NDUFS8: variants seen among roughly 807,000 people sequenced by gnomAD.
NDUFS8 encodes the protein NADH:ubiquinone oxidoreductase core subunit S8.
NDUFS8 carries 13 observed loss-of-function variants against 25.6 expected under a neutral mutation model. The observed-to-expected ratio is 0.51, with a 90% CI of 0.33 to 0.81. The LOEUF (loss-of-function observed/expected upper bound fraction) is 0.81. Ranked by LOEUF, NDUFS8 falls within the 30% of genes least tolerant of loss-of-function variation. The probability of loss-of-function intolerance (pLI) is 0.02; values close to 1 mark genes in which losing one functional copy is unlikely to be tolerated. For synonymous variants in NDUFS8, 119 were observed against 119.4 expected (o/e 1.00, Z 0.02); for missense variants, 257 against 300.9 (o/e 0.85, Z 1.08).
At chr11:68,030,911 GCC>G (rs762407040) in intron 1 of NDUFS8, 178 bp downstream of exon 1, 45 of 369,628 alleles carry the variant, frequency 1.2e-4, no homozygotes, top group Admixed American at 2.8e-4. Context: ...GGGCGCATGC[GCC>G]GCCCGCTCTG....
chr11:68,034,866 C>A (rs1363995060), intron 5 of NDUFS8: 2 of 151,808 alleles, frequency 1.3e-5, no homozygotes, highest in Non-Finnish European at 2.9e-5. Context: ...GTCAGGAATT[C>A]AAGACCAGCC....
At position 68,036,618 on chromosome 11, in the gene NDUFS8, C is replaced by CT. The variant is rs1316523588; in HGVS notation, c.*26dup. ...ACGCCCCACCGGCCCGCAGCCCCTG[C>CT]TGCCCAATAAAACCACTCCGACCCC... On this transcript the variant is annotated 3_prime_UTR_variant, in exon 7 of 7. Transcript: ENST00000313468. The CT allele has an allele frequency of 2.5e-6, 4 of 1,612,698 alleles. No individual in the cohort carries two copies. Among genetic ancestry groups the CT allele is most frequent in the Non-Finnish European group, 3.4e-6 (4 of 1,179,892 alleles).
In NDUFS8 at chr11:68,030,734, G is replaced by A. The variant is rs1854742544; in HGVS notation, c.-1+1G>A. 1.2e-5 allele frequency: 4 copies of A among 336,848 alleles called. No homozygotes were observed. The highest frequency in any genetic ancestry group is 2.4e-5 in the Non-Finnish European group (4 of 168,994). 20.9% of individuals were successfully genotyped at this position (336,848 alleles called of 1,614,324 possible). ...AGGCAAGTAGCGGCGGCGCTTCAAG[G>A]TGGGTGTTCACGTTTTGGCCGTGAA... On this transcript the variant is annotated splice_donor_variant, in intron 1 of 6. Coordinates refer to ENST00000313468, the MANE Select transcript of NDUFS8 (RefSeq NM_002496.4). LOFTEE classifies it low-confidence loss of function (5UTR_SPLICE).
chr11:68,033,811 G>T (rs571275015), intron 5 of NDUFS8: 69 of 177,636 alleles, frequency 3.9e-4, no homozygotes, highest in African/African-American at 1.6e-3. Flanking sequence ...CCCGGCAGCC[G>T]CCGCCGCTAC....
chr11:68,030,879 T>G, intron 1 of NDUFS8, 146 bp downstream of exon 1: 1 of 384,704 alleles, frequency 2.6e-6, no homozygotes, highest in Non-Finnish European at 5.3e-6. Context: ...GTCCTTCAGG[T>G]GCAGCGGGGA....
intron 3 of NDUFS8, 32 bp from the exon 4 acceptor site, chr11:68,032,891 T>C (rs1210422742): frequency 6.2e-7 from 1 of 1,605,872 alleles, no homozygotes; most frequent in Non-Finnish European, 8.5e-7. Flanking sequence ...GTGAGGCCTC[T>C]TGCCATGGCC....
Position 68,031,634 on chromosome 11 carries a change from C to T in NDUFS8, c.1-518C>T, listed in dbSNP as rs1854768955. The T allele has an allele frequency of 3.1e-5, 7 of 223,308 alleles. No individual in the cohort carries two copies. The South Asian group carries it at 3.5e-4, about 11-fold the overall frequency. 13.8% of individuals were successfully genotyped at this position (223,308 alleles called of 1,614,324 possible). ...AAGTGCTGGGATTACAGGCGTGAGC[C>T]ACCACACCCAGCCCTAGCGAGTCAC... On this transcript the variant is annotated intron_variant, in intron 1 of 6. Transcript: ENST00000313468.
At chr11:68,033,350 C>T (rs761826160) in intron 5 of NDUFS8, 67 bp downstream of exon 5, 1 of 1,547,138 alleles carries the variant, frequency 6.5e-7, no homozygotes, top group Non-Finnish European at 8.7e-7. Flanking sequence ...CCAGGCAGCC[C>T]TAGGCCCAAA....
In NDUFS8 at chr11:68,036,552, G is replaced by C. The variant is rs1367957130; in HGVS notation, c.592G>C (p.Glu198Gln). The C allele has an allele frequency of 6.2e-7, 1 of 1,614,072 alleles. No individual in the cohort carries two copies. Among genetic ancestry groups the C allele is most frequent in the Non-Finnish European group, 8.5e-7 (1 of 1,180,014 alleles). ...CAACAACGGGGACAAGTGGGAGGCCGAGATCGCCGCCAACATCCAGGCTGA... is the reference window on the plus strand; with the variant it reads ...CAACAACGGGGACAAGTGGGAGGCCCAGATCGCCGCCAACATCCAGGCTGA... ...LLNNGDKWEA[E>Q]IAANIQADYL... Residue 198 changes from glutamate to glutamine, a missense_variant, in exon 7 of 7, where the codon GAG (glutamate) becomes CAG (glutamine). By Grantham distance (29) the Glu-to-Gln change is conservative. Transcript: ENST00000313468.
intron 5 of NDUFS8, 66 bp from the exon 6 acceptor site, chr11:68,036,187 G>A (rs1854886273): frequency 6.2e-7 from 1 of 1,606,534 alleles, no homozygotes. Flanking sequence ...GATGAGCAGT[G>A]ACAGGGGCCC....
intron 3 of NDUFS8, chr11:68,032,644 C>T: frequency 1.0e-6 from 1 of 987,304 alleles, no homozygotes; most frequent in Non-Finnish European, 1.5e-6. Flanking sequence ...AGCCCCCCAC[C>T]TACCCCCCTT....
intron 1 of NDUFS8, 144 bp from the exon 2 acceptor site, chr11:68,032,008 C>A: frequency 2.5e-6 from 3 of 1,204,266 alleles, no homozygotes; most frequent in Non-Finnish European, 3.7e-6. Context: ...ACAGGAAAGC[C>A]ATCTGTGCCT....
chr11:68,035,226 C>G (rs974934136), intron 5 of NDUFS8: 1 of 153,392 alleles, frequency 6.5e-6, no homozygotes, highest in Non-Finnish European at 1.5e-5. Flanking sequence ...TACTTGAGCC[C>G]AGGAGTTTGA....
Position 68,033,284 on chromosome 11 carries a change from G to A in NDUFS8, c.372+1G>A. 12 of 1,601,752 alleles carry A rather than the reference G, an allele frequency of 7.5e-6. No homozygotes were observed. The highest frequency in any genetic ancestry group is 9.3e-6 in the Non-Finnish European group (11 of 1,177,582). ...CTGCGAGGCCATCTGCCCCGCCCAGGTGAGCCCCTGCCCCAACCGGCCACC... is the reference window on the plus strand; with the variant it reads ...CTGCGAGGCCATCTGCCCCGCCCAGATGAGCCCCTGCCCCAACCGGCCACC... On this transcript the variant is annotated splice_donor_variant, in intron 5 of 6. Coordinates refer to ENST00000313468, the MANE Select transcript of NDUFS8 (RefSeq NM_002496.4). LOFTEE classifies it high-confidence loss of function.
rs1375104061 is a variant in NDUFS8 at position 68,036,015 on chromosome 11, C to CT, written c.373-237dup. The CT allele has an allele frequency of 3.0e-5, 12 of 406,130 alleles. No homozygotes were observed. In the African/African-American group the frequency reaches 3.1e-4, roughly 11 times the overall value. 25.2% of individuals were successfully genotyped at this position (406,130 alleles called of 1,614,324 possible). A position where few individuals can be genotyped will look rare whatever the true frequency, so the allele number is the denominator to read the frequency against. On this transcript the variant is annotated intron_variant, in intron 5 of 6. Transcript: ENST00000313468. ...GCCTGGCGACAGAGCGAGACTCTAT[C>CT]TCAAAAAAAAAAAAAAAAAAAAAAA... is the stretch of plus-strand genomic sequence containing the variant.
rs770357184 is a variant in NDUFS8 at position 68,033,181 on chromosome 11, G to A, written c.270G>A (p.Pro90=). 25 of 1,612,256 alleles carry A rather than the reference G, an allele frequency of 1.6e-5. No homozygotes were observed. The highest frequency in any genetic ancestry group is 6.7e-5 in the Admixed American group (4 of 59,884). ...ATINYPFEKG[P]LSPRFRGEHA... is the part of the protein sequence containing the mutation. ...TCAACTACCCGTTCGAGAAGGGCCC[G>A]CTGAGCCCTCGCTTCCGTGGGGAGC... is the stretch of plus-strand genomic sequence containing the variant. The change falls in exon 5 of 7, where the codon CCG becomes CCA. Residue 90 remains proline (P), a synonymous_variant. Coordinates refer to ENST00000313468, the MANE Select transcript of NDUFS8 (RefSeq NM_002496.4).
rs531253677 is a variant in NDUFS8, at chr11:68,036,224, G to A, written c.373-29G>A. On this transcript the variant is annotated intron_variant, in intron 5 of 6. Coordinates refer to ENST00000313468, the MANE Select transcript of NDUFS8 (RefSeq NM_002496.4). ...GGGGGCTGGGATGTGACAGGGCAGC[G>A]TGGCAGTGTCTGGTGGCCCCTCCCG... The A allele has an allele frequency of 1.2e-4, 193 of 1,611,782 alleles. 1 individual carries two copies. In the East Asian group the frequency reaches 1.9e-3, roughly 16 times the overall value.
chr11:68,032,830 C>A, intron 3 of NDUFS8, 93 bp from the exon 4 acceptor site: 1 of 1,263,234 alleles, frequency 7.9e-7, no homozygotes, highest in Non-Finnish European at 1.2e-6. Context: ...AGCAGTTGCA[C>A]CTGGAAGTGA....
chr11:68,033,082 C>A (rs781529686), intron 4 of NDUFS8, 29 bp from the exon 5 acceptor site: 18 of 1,612,964 alleles, frequency 1.1e-5, no homozygotes, highest in Non-Finnish European at 1.5e-5. Context: ...GGAGGGTGCC[C>A]CTGCCCACCA....
Sources: allele counts gnomAD v4.1 joint callset, GRCh38; gene constraint gnomAD v4.1.1; transcripts MANE v1.5; gene names NCBI Gene and HGNC (gene_info 2026-07-23, HGNC 2026-07-21).